CFAP299: variants seen among roughly 807,000 people sequenced by gnomAD.
The protein encoded by CFAP299 is cilia- and flagella-associated protein 299.
In CFAP299, 21 loss-of-function variants were observed where a neutral mutation model predicts 27.0. The ratio of observed to expected loss-of-function variants is 0.78; its 90% confidence interval spans 0.55 to 1.12. The LOEUF (loss-of-function observed/expected upper bound fraction) is 1.12. Among genes scored for constraint, CFAP299 ranks in the 50% most tolerant of loss-of-function variants. The pLI is 0.00. For synonymous variants in CFAP299, 104 were observed against 98.1 expected (o/e 1.06, Z -0.36); for missense variants, 310 against 276.6 (o/e 1.12, Z -0.86).
At chr4:80,757,836 TG>T (rs1263423083) in intron 3 of CFAP299, among the ~76,000 whole-genome samples, 3 of 151,974 alleles carry the variant, frequency 2.0e-5, no homozygotes, top group Non-Finnish European at 4.4e-5. Flanking sequence ...GCATAGACTC[TG>T]GACCTAGCTG....
Position 80,394,902 on chromosome 4 carries a change from A to C in CFAP299, c.242+32018A>C, listed in dbSNP as rs948096000. Among the ~76,000 whole-genome samples, 5 of 152,018 alleles carry C rather than the reference A, an allele frequency of 3.3e-5. No homozygotes were observed. The East Asian group carries it at 7.7e-4, about 23-fold the overall frequency. On this transcript the variant is annotated intron_variant, in intron 2 of 5. Coordinates refer to ENST00000358105, the MANE Select transcript of CFAP299 (RefSeq NM_152770.3). The stretch of plus-strand genomic sequence containing the variant: ...CTTTTTGCTCAAGATTTCTTTGGCT[A>C]TTTGGGGTCTTTTGTGATACCACAA...
intron 3 of CFAP299, among the ~76,000 whole-genome samples, chr4:80,764,407 C>T (rs186541791): frequency 2.0e-5 from 3 of 152,210 alleles, no homozygotes; most frequent in Non-Finnish European, 2.9e-5. Context: ...TACCATCTCA[C>T]GCCAGTTAGA....
At chr4:80,398,219 T>A in intron 2 of CFAP299, among the ~76,000 whole-genome samples, 1 of 152,232 alleles carries the variant, frequency 6.6e-6, no homozygotes, top group East Asian at 1.9e-4. Context: ...CATTCCATGC[T>A]CATGGATAGG....
intron 3 of CFAP299, among the ~76,000 whole-genome samples, chr4:80,667,876 T>A (rs1741220536): frequency 6.6e-6 from 1 of 152,160 alleles, no homozygotes; most frequent in Admixed American, 6.5e-5. Context: ...ATTCTTTTTT[T>A]AATTTTTTTA....
chr4:80,851,496 A>G (rs1218298887), intron 3 of CFAP299, among the ~76,000 whole-genome samples: 1 of 152,134 alleles, frequency 6.6e-6, no homozygotes, highest in African/African-American at 2.4e-5. Flanking sequence ...GGGAAAATAC[A>G]TAGTTGGAAT....
chr4:80,866,681 T>C (rs1732766073), intron 3 of CFAP299, among the ~76,000 whole-genome samples: 1 of 152,168 alleles, frequency 6.6e-6, no homozygotes, highest in African/African-American at 2.4e-5. Flanking sequence ...GGACCCGCAC[T>C]TATAGTCCGC....
intron 2 of CFAP299, among the ~76,000 whole-genome samples, chr4:80,426,872 A>G (rs1467788668): frequency 4.6e-5 from 7 of 152,196 alleles, no homozygotes; most frequent in Admixed American, 4.6e-4. Context: ...AGTTAATTCA[A>G]AGAAAAAACT....
chr4:80,730,248 C>CTCTGTGTGTGTGTGTGTGTGTGTGTG (rs1553953972), intron 3 of CFAP299, among the ~76,000 whole-genome samples: 1 of 130,802 alleles, frequency 7.6e-6, no homozygotes, highest in South Asian at 2.5e-4. Context: ...CTCTCTCTCT[C>CTCTGTGTGTGTGTGTGTGTGTGTGTG]TGTGTGTGTG....
At chr4:80,850,125 T>C (rs1490987436) in intron 3 of CFAP299, among the ~76,000 whole-genome samples, 1 of 152,178 alleles carries the variant, frequency 6.6e-6, no homozygotes, top group Non-Finnish European at 1.5e-5. Context: ...ATACTTCAAC[T>C]TTCTGATTCT....
intron 3 of CFAP299, among the ~76,000 whole-genome samples, chr4:80,677,077 G>A (rs1330094476): frequency 6.6e-6 from 1 of 151,744 alleles, no homozygotes; most frequent in Non-Finnish European, 1.5e-5. Flanking sequence ...TGATGTAGGT[G>A]TTTATTGCTA....
chr4:80,714,329 A>T (rs1722351988), intron 3 of CFAP299, among the ~76,000 whole-genome samples: 1 of 152,134 alleles, frequency 6.6e-6, no homozygotes, highest in Non-Finnish European at 1.5e-5. Context: ...TGATGAATTT[A>T]AACATTGAAA....
intron 4 of CFAP299, among the ~76,000 whole-genome samples, chr4:80,878,096 C>A (rs1485341997): frequency 6.6e-6 from 1 of 151,968 alleles, no homozygotes; most frequent in African/African-American, 2.4e-5. Context: ...TAAGTATGTC[C>A]AAAATGTATT....
chr4:80,569,605 A>G (rs570638228), intron 2 of CFAP299, among the ~76,000 whole-genome samples: 1 of 152,186 alleles, frequency 6.6e-6, no homozygotes, highest in East Asian at 1.9e-4. Context: ...AGTAGGGAAT[A>G]ATAATGAGAG....
At chr4:80,449,391 T>C (rs909212131) in intron 2 of CFAP299, among the ~76,000 whole-genome samples, 8 of 151,988 alleles carry the variant, frequency 5.3e-5, no homozygotes, top group African/African-American at 1.9e-4. Flanking sequence ...ATTTTCTTTA[T>C]TATCTCAACC....
intron 4 of CFAP299, among the ~76,000 whole-genome samples, chr4:80,931,174 AG>A (rs373677162): frequency 0.079 from 11,949 of 152,052 alleles, 551 homozygotes; most frequent in Middle Eastern, 0.18. Flanking sequence ...TGAGTGAGTG[AG>A]TGAGTGAGTG....
At chr4:80,723,988 A>T (rs1037202586) in intron 3 of CFAP299, among the ~76,000 whole-genome samples, 1 of 152,112 alleles carries the variant, frequency 6.6e-6, no homozygotes, top group Non-Finnish European at 1.5e-5. Context: ...GGGGAATAAC[A>T]ATTAAAACAT....
chr4:80,420,486 G>A (rs1727241440), intron 2 of CFAP299, among the ~76,000 whole-genome samples: 1 of 152,096 alleles, frequency 6.6e-6, no homozygotes, highest in Admixed American at 6.5e-5. Flanking sequence ...ATATTTCTTT[G>A]TGGTTTTAAT....
chr4:80,818,017 G>A (rs780789406), intron 3 of CFAP299, among the ~76,000 whole-genome samples: 3 of 151,880 alleles, frequency 2.0e-5, no homozygotes, highest in Admixed American at 6.6e-5. Flanking sequence ...CCTCCGATAA[G>A]CCCCAGTGTG....
intron 2 of CFAP299, among the ~76,000 whole-genome samples, chr4:80,431,149 G>A (rs1727794827): frequency 6.6e-6 from 1 of 152,118 alleles, no homozygotes; most frequent in East Asian, 1.9e-4. Context: ...CTTACTTTGT[G>A]GTTATTGCTA....
Sources: allele counts gnomAD v4.1 joint callset (sites outside exome capture counted in the v4.1 genomes callset), GRCh38; gene constraint gnomAD v4.1.1; transcripts MANE v1.5; gene names NCBI Gene and HGNC (gene_info 2026-07-23, HGNC 2026-07-21).